Variants in ACSM2B observed in about 807,000 individuals in gnomAD.
The protein encoded by ACSM2B is acyl-coenzyme A synthetase ACSM2B, mitochondrial.
ACSM2B carries 58 observed loss-of-function variants against 78.6 expected under a neutral mutation model. The observed-to-expected ratio is 0.74, with a 90% CI of 0.60 to 0.92. The LOEUF (loss-of-function observed/expected upper bound fraction) is 0.92. Ranked by LOEUF, ACSM2B falls within the 40% of genes least tolerant of loss-of-function variation. The pLI is 0.00. For missense variants in ACSM2B, 688 were observed against 711.2 expected, an observed-to-expected ratio of 0.97 and a Z score of 0.37; for synonymous variants, 257 against 256.8, an observed-to-expected ratio of 1.00 and a Z score of -0.01.
At chr16:20,542,493 C>G (rs962126039) in intron 12 of ACSM2B, 2 of 183,376 alleles carry the variant, frequency 1.1e-5, no homozygotes, top group Admixed American at 5.4e-5. Flanking sequence ...TATTATTTAT[C>G]CTTTCATCCA....
intron 1 of ACSM2B, among the ~76,000 whole-genome samples, chr16:20,565,188 T>C (rs992711020): frequency 3.9e-5 from 6 of 152,178 alleles, no homozygotes; most frequent in African/African-American, 7.2e-5. Context: ...TTCACTCCCT[T>C]TCCGTTCTAG....
At chr16:20,562,081 A>G (rs1398618542) in intron 2 of ACSM2B, among the ~76,000 whole-genome samples, 3 of 151,746 alleles carry the variant, frequency 2.0e-5, no homozygotes, top group Non-Finnish European at 4.4e-5. Context: ...GTTACTGTGA[A>G]CATGAGTGTA....
chr16:20,539,089 A>G (rs2014921108), intron 13 of ACSM2B, among the ~76,000 whole-genome samples: 2 of 151,142 alleles, frequency 1.3e-5, no homozygotes, highest in Non-Finnish European at 3.0e-5. Flanking sequence ...ACAACACTGA[A>G]AGGTTATACT....
At chr16:20,562,493 T>C (rs756233619) in intron 2 of ACSM2B, among the ~76,000 whole-genome samples, 26 of 152,236 alleles carry the variant, frequency 1.7e-4, no homozygotes, top group Admixed American at 4.6e-4. Context: ...TAAAACTTTG[T>C]ATTTTGTTCT....
intron 8 of ACSM2B, chr16:20,547,295 A>G (rs2015170801): frequency 1.0e-6 from 1 of 985,142 alleles, no homozygotes; most frequent in Non-Finnish European, 1.2e-6. Flanking sequence ...GCTTGCCACA[A>G]CTCCATTGTC....
rs1233268956 is a variant in ACSM2B at position 20,560,838 on chromosome 16, T to C, written c.178-1391A>G. Among the ~76,000 whole-genome samples the C allele has an allele frequency of 2.0e-5, 3 of 152,102 alleles. 1 individual carries two copies. Among genetic ancestry groups the C allele is most frequent in the Non-Finnish European group, 1.5e-5 (1 of 68,010 alleles). On this transcript the variant is annotated intron_variant, in intron 2 of 13. Transcript: ENST00000329697. ...AAAATGCTGATAGAATTATGGACAA[T>C]GAAATGCAGGCTGACCAGATTTCAA...
At chr16:20,551,193 A>G (rs1156822302) in intron 6 of ACSM2B, among the ~76,000 whole-genome samples, 5 of 152,194 alleles carry the variant, frequency 3.3e-5, no homozygotes, top group South Asian at 4.1e-4. Context: ...GGGGGCAGAT[A>G]CTGTCAGAGA....
In ACSM2B at chr16:20,548,428, C is replaced by A; in HGVS notation, c.940G>T (p.Val314Phe). 1.2e-6 allele frequency: 2 copies of A among 1,613,664 alleles called. No individual in the cohort carries two copies. Among genetic ancestry groups the A allele is most frequent in the Admixed American group, 1.7e-5 (1 of 60,010 alleles). Residue 314 changes from valine to phenylalanine, a missense_variant, in exon 7 of 14, where the codon GTT (valine) becomes TTT (phenylalanine). Physicochemically the swap from Val to Phe is conservative, Grantham distance 50. Transcript: ENST00000329697. ...TCCTGCTGTAGCAACATCCGGTAAA[C>A]AATAGGGGCACCCATCATACTCTTG... is the stretch of plus-strand genomic sequence containing the variant. ...PIKSMMGAPI[V>F]YRMLLQQDLS...
chr16:20,575,859 G>T (rs2016235448), intron 1 of ACSM2B: 1 of 151,306 alleles, frequency 6.6e-6, no homozygotes, highest in Admixed American at 6.6e-5. Context: ...ACTACACATT[G>T]CCTTTGTACC....
chr16:20,549,992 G>T (rs970894877), intron 6 of ACSM2B: 2 of 270,984 alleles, frequency 7.4e-6, no homozygotes, highest in Non-Finnish European at 1.4e-5. Flanking sequence ...GACAGAATAG[G>T]TTTTAATTTT....
rs1193783721 is a variant in ACSM2B at position 20,548,099 on chromosome 16, C to T, written c.1061G>A (p.Gly354Glu). ...ETLENWRAQTGLDIREFYGQT... is the reference protein window; with the variant it reads ...ETLENWRAQTELDIREFYGQT... Reference sequence around the variant, plus strand: ...GCCATAGAATTCTCGGATGTCCAGTCCTGTCTGGGCCCTCCAGTTCTCCAG... The same window carrying T: ...GCCATAGAATTCTCGGATGTCCAGTTCTGTCTGGGCCCTCCAGTTCTCCAG... Residue 354 changes from glycine (G) to glutamate (E), a missense_variant, in exon 8 of 14, where the codon GGA becomes GAA. By Grantham distance (98) the Gly-to-Glu change is moderately conservative (BLOSUM62 -2). Transcript: ENST00000329697. The T allele has an allele frequency of 5.6e-6, 9 of 1,614,068 alleles. No homozygotes were observed. Among genetic ancestry groups the T allele is most frequent in the Admixed American group, 1.7e-5 (1 of 60,014 alleles).
At chr16:20,567,058 A>C (rs1415217926) in intron 1 of ACSM2B, among the ~76,000 whole-genome samples, 1 of 134,960 alleles carries the variant, frequency 7.4e-6, no homozygotes, top group East Asian at 2.0e-4. Context: ...ACAAGACATG[A>C]ATGCTCACTC....
intron 9 of ACSM2B, 73 bp from the exon 10 acceptor site, chr16:20,545,331 G>C: frequency 2.0e-6 from 3 of 1,535,174 alleles, no homozygotes; most frequent in Admixed American, 1.8e-5. Flanking sequence ...GGAGATTGCT[G>C]AGTTGGTCAA....
chr16:20,573,501 A>T (rs2016151354), intron 1 of ACSM2B, among the ~76,000 whole-genome samples: 1 of 143,774 alleles, frequency 7.0e-6, no homozygotes, highest in Non-Finnish European at 1.5e-5. Context: ...TGGCAAAAAA[A>T]GTTCATTGGA....
rs543672926 is a variant in ACSM2B at position 20,538,054 on chromosome 16, C to T, written c.1630-692G>A. ...AATCCAAAGATATGGATGATAAAGA[C>T]GCCTCATTGAGGCTTCCAGTGATGT... On this transcript the variant is annotated intron_variant, in intron 13 of 13. Coordinates refer to ENST00000329697, the MANE Select transcript of ACSM2B (RefSeq NM_001105069.2). 1.1e-4 allele frequency among the ~76,000 whole-genome samples: 17 copies of T among 152,236 alleles called. 1 individual carries two copies. The highest frequency in any genetic ancestry group is 4.1e-4 in the South Asian group (2 of 4,822).
chr16:20,567,116 T>A (rs566470820), intron 1 of ACSM2B, among the ~76,000 whole-genome samples: 1 of 135,522 alleles, frequency 7.4e-6, no homozygotes, highest in South Asian at 2.1e-4. Flanking sequence ...TATATAATAG[T>A]ATAGTATATA....
chr16:20,572,353 A>G (rs1301615951), intron 1 of ACSM2B, among the ~76,000 whole-genome samples: 1 of 143,720 alleles, frequency 7.0e-6, no homozygotes, highest in East Asian at 2.2e-4. Flanking sequence ...TTCACTGGAT[A>G]CAAAATTCTT....
At chr16:20,569,989 A>G (rs2016050177) in intron 1 of ACSM2B, among the ~76,000 whole-genome samples, 1 of 151,814 alleles carries the variant, frequency 6.6e-6, no homozygotes, top group African/African-American at 2.4e-5. Context: ...TAGGTATACA[A>G]TCATATTAAC....
At chr16:20,555,641 A>G (rs1292490868) in intron 3 of ACSM2B, among the ~76,000 whole-genome samples, 165 bp from the exon 4 acceptor site, 2 of 152,122 alleles carry the variant, frequency 1.3e-5, no homozygotes, top group African/African-American at 4.8e-5. Context: ...TAGGGAGTGA[A>G]TGAAACCTAG....
Sources: gnomAD v4.1 joint callset for allele counts (sites outside exome capture counted in the v4.1 genomes callset) on GRCh38, gnomAD v4.1.1 for gene constraint, MANE v1.5 for transcripts, NCBI Gene and HGNC (gene_info 2026-07-23, HGNC 2026-07-21) for gene names.